ATRNL1: variants seen among roughly 807,000 people sequenced by gnomAD.
The protein encoded by ATRNL1 is attractin-like protein 1.
In ATRNL1, 95 loss-of-function variants were observed where a neutral mutation model predicts 182.7. The observed-to-expected ratio is 0.52, with a 90% confidence interval of 0.44 to 0.62. The LOEUF is 0.62. ATRNL1 is among the 20% of genes least tolerant of loss of function. ATRNL1 has a pLI of 0.00. For missense variants in ATRNL1, 1,471 were observed against 1,679.5 expected, an observed-to-expected ratio of 0.88 and a Z score of 2.17; for synonymous variants, 576 against 568.3, an observed-to-expected ratio of 1.01 and a Z score of -0.19.
chr10:115,142,697 A>T (rs1845800567), intron 5 of ATRNL1, among the ~76,000 whole-genome samples: 1 of 152,190 alleles, frequency 6.6e-6, no homozygotes, highest in African/African-American at 2.4e-5. Flanking sequence ...ATACCAGTTC[A>T]GAGGCTACTG....
intron 26 of ATRNL1, among the ~76,000 whole-genome samples, chr10:115,572,827 C>G (rs575095418): frequency 6.6e-6 from 1 of 152,076 alleles, no homozygotes; most frequent in Non-Finnish European, 1.5e-5. Context: ...CCCTGATTCC[C>G]CTTGCAGGAC....
chr10:115,216,310 A>T (rs1849230361), intron 9 of ATRNL1, among the ~76,000 whole-genome samples: 1 of 152,160 alleles, frequency 6.6e-6, no homozygotes, highest in Admixed American at 6.6e-5. Flanking sequence ...TTATATCCTC[A>T]ACTTTATTAC....
rs145513138 is a variant in ATRNL1, at chr10:115,236,457, A to G, written c.1533-5114A>G. On this transcript the variant is annotated intron_variant, in intron 9 of 28. Transcript: ENST00000355044. ...TTGGTTTCCATTTTATGCTTCATAC[A>G]TTACAAAATATTTTTGTATGTGAAG... Among the ~76,000 whole-genome samples, 763 of 152,296 alleles carry G rather than the reference A, an allele frequency of 5.0e-3. 4 individuals carry two copies. The highest frequency in any genetic ancestry group is 0.016 in the African/African-American group (675 of 41,574).
At chr10:115,328,343 G>A (rs1244214591) in intron 18 of ATRNL1, among the ~76,000 whole-genome samples, 1 of 152,042 alleles carries the variant, frequency 6.6e-6, no homozygotes, top group African/African-American at 2.4e-5. Flanking sequence ...TCAATGCGAT[G>A]TTTTAATACA....
chr10:115,293,964 G>T (rs533303543), intron 15 of ATRNL1, among the ~76,000 whole-genome samples: 2 of 152,276 alleles, frequency 1.3e-5, no homozygotes, highest in East Asian at 3.9e-4. Context: ...GATCTATTTG[G>T]TGTTCTCTAA....
intron 26 of ATRNL1, among the ~76,000 whole-genome samples, chr10:115,675,934 T>C (rs1555042835): frequency 6.6e-6 from 1 of 152,084 alleles, no homozygotes; most frequent in East Asian, 1.9e-4. Context: ...AGGCCGTCTG[T>C]CTCCAGAGCT....
At chr10:115,389,574 A>G (rs1288814131) in intron 19 of ATRNL1, among the ~76,000 whole-genome samples, 22 of 117,076 alleles carry the variant, frequency 1.9e-4, no homozygotes, top group South Asian at 5.5e-4. Context: ...ATATATATAT[A>G]TATATATATA....
chr10:115,692,270 T>C (rs555105153), intron 26 of ATRNL1, among the ~76,000 whole-genome samples: 2 of 152,324 alleles, frequency 1.3e-5, no homozygotes, highest in South Asian at 4.1e-4. Context: ...ACCCTATTGC[T>C]TTGAGGATCT....
chr10:115,751,797 G>A (rs1406782938), intron 27 of ATRNL1, among the ~76,000 whole-genome samples: 1 of 152,012 alleles, frequency 6.6e-6, no homozygotes, highest in African/African-American at 2.4e-5. Context: ...ACTATTTGAC[G>A]AAGAAGAGGG....
intron 26 of ATRNL1, among the ~76,000 whole-genome samples, chr10:115,614,013 C>T (rs1250389299): frequency 1.3e-5 from 2 of 151,412 alleles, no homozygotes; most frequent in African/African-American, 4.9e-5. Flanking sequence ...TTCTTTTTGT[C>T]TGTATTTTGT....
intron 26 of ATRNL1, among the ~76,000 whole-genome samples, chr10:115,689,772 G>T (rs1391038303): frequency 6.6e-6 from 1 of 152,186 alleles, no homozygotes; most frequent in Admixed American, 6.5e-5. Flanking sequence ...CTCGCAGGCT[G>T]TCCTGCTCTC....
intron 15 of ATRNL1, among the ~76,000 whole-genome samples, chr10:115,290,411 T>C (rs1301576098): frequency 6.6e-6 from 1 of 151,936 alleles, no homozygotes; most frequent in Admixed American, 6.5e-5. Context: ...TTCCAGCACT[T>C]TGGGAGGCTG....
intron 1 of ATRNL1, among the ~76,000 whole-genome samples, chr10:115,095,656 T>G (rs1233205984): frequency 6.6e-6 from 1 of 152,166 alleles, no homozygotes; most frequent in African/African-American, 2.4e-5. Flanking sequence ...TAAAAAGTGT[T>G]TCAAGATGAG....
At chr10:115,575,717 G>A (rs1185648888) in intron 26 of ATRNL1, among the ~76,000 whole-genome samples, 1 of 152,012 alleles carries the variant, frequency 6.6e-6, no homozygotes, top group African/African-American at 2.4e-5. Context: ...ATAGTGAAAT[G>A]ATTATTATAA....
At chr10:115,328,881 A>T (rs781907743) in intron 18 of ATRNL1, among the ~76,000 whole-genome samples, 5 of 151,870 alleles carry the variant, frequency 3.3e-5, no homozygotes, top group African/African-American at 4.8e-5. Flanking sequence ...ATTTAGGTTG[A>T]TCCTATATTT....
chr10:115,601,497 T>C (rs2133943456), intron 26 of ATRNL1, among the ~76,000 whole-genome samples: 1 of 152,342 alleles, frequency 6.6e-6, no homozygotes, highest in South Asian at 2.1e-4. Flanking sequence ...TAATTGTGGA[T>C]GTATCTATTG....
At chr10:115,674,447 C>T (rs1258702482) in intron 26 of ATRNL1, among the ~76,000 whole-genome samples, 1 of 152,036 alleles carries the variant, frequency 6.6e-6, no homozygotes, top group South Asian at 2.1e-4. Context: ...CTGGCCTATT[C>T]TTGAATAATA....
At chr10:115,416,675 T>C (rs1845405522) in intron 20 of ATRNL1, among the ~76,000 whole-genome samples, 1 of 152,152 alleles carries the variant, frequency 6.6e-6, no homozygotes, top group Admixed American at 6.5e-5. Context: ...AAATTTGTAG[T>C]TTAGAGAAAA....
chr10:115,519,459 T>C, intron 25 of ATRNL1, 135 bp downstream of exon 25: 1 of 703,968 alleles, frequency 1.4e-6, no homozygotes, highest in Non-Finnish European at 2.4e-6. Flanking sequence ...CTTTATATGC[T>C]TAAATATATC....
Sources: gnomAD v4.1 joint callset for allele counts (sites outside exome capture counted in the v4.1 genomes callset) on GRCh38, gnomAD v4.1.1 for gene constraint, MANE v1.5 for transcripts, NCBI Gene and HGNC (gene_info 2026-07-23, HGNC 2026-07-21) for gene names.